ALDH5A1: variants seen among roughly 807,000 people sequenced by gnomAD.
The protein encoded by ALDH5A1 is aldehyde dehydrogenase 5 family member A1, also known as succinate-semialdehyde dehydrogenase, mitochondrial.
In ALDH5A1, 33 loss-of-function variants were observed where a neutral mutation model predicts 54.7. The observed-to-expected ratio is 0.60, with a 90% CI of 0.46 to 0.81. The LOEUF (loss-of-function observed/expected upper bound fraction) is 0.81, where lower values mean the gene tolerates loss of function less well. Among genes scored for constraint, ALDH5A1 ranks in the 30% least tolerant of loss-of-function variants. ALDH5A1 has a pLI of 0.00. For missense variants in ALDH5A1, 657 were observed against 711.0 expected (o/e 0.92, Z 0.86); for synonymous variants, 294 against 292.7 (o/e 1.00, Z -0.05).
At chr6:24,515,125 TTTGG>T in intron 4 of ALDH5A1, 38 bp from the exon 5 acceptor site, 3 of 1,465,088 alleles carry the variant, frequency 2.0e-6, no homozygotes, top group Non-Finnish European at 1.9e-6. Context: ...TTTTTTTCAG[TTTGG>T]TAAATTGTTG....
chr6:24,528,049 G>T lies in ALDH5A1; in HGVS notation c.1226G>T (p.Gly409Val). The change falls in exon 8 of 10, where the codon GGT (glycine) becomes GTT (valine). Residue 409 changes from glycine to valine, a missense_variant. Around this residue, in one of 2 missense-constraint regions of ALDH5A1, gnomAD observed 425 missense variants for 516.4 expected, o/e 0.82. Transcript: ENST00000357578. Reference sequence around the variant, plus strand: ...TCTAAAGGTGCCACCGTTGTGACAGGTGGAAAACGACACCAACTTGGAAAA... The same window carrying T: ...TCTAAAGGTGCCACCGTTGTGACAGTTGGAAAACGACACCAACTTGGAAAA... The part of the protein sequence containing the change: ...AVSKGATVVT[G>V]GKRHQLGKNF... 6.2e-7 allele frequency: 1 copy of T among 1,614,154 alleles called. No individual in the cohort carries two copies. The highest frequency in any genetic ancestry group is 8.5e-7 in the Non-Finnish European group (1 of 1,180,012).
At chr6:24,506,232 T>C (rs1291582372) in intron 4 of ALDH5A1, among the ~76,000 whole-genome samples, 3 of 146,596 alleles carry the variant, frequency 2.0e-5, no homozygotes, top group African/African-American at 5.0e-5. Context: ...CACCTCCTTC[T>C]TTCCTGGTTC....
In ALDH5A1 at chr6:24,528,030, G is replaced by A. The variant is rs1217986817; in HGVS notation, c.1207G>A (p.Gly403Ser). ...EKQVNDAVSK[G>S]ATVVTGGKRH... Reference sequence around the variant, plus strand: ...ACAGGTGAATGATGCCGTTTCTAAAGGTGCCACCGTTGTGACAGGTGGAAA... The same window carrying A: ...ACAGGTGAATGATGCCGTTTCTAAAAGTGCCACCGTTGTGACAGGTGGAAA... Residue 403 changes from glycine to serine, a missense_variant, in exon 8 of 10, where the codon GGT becomes AGT. This residue lies in a region of ALDH5A1 where 425 missense variants were observed against 516.4 expected (regional missense o/e 0.82). Coordinates refer to ENST00000357578, the MANE Select transcript of ALDH5A1 (RefSeq NM_001080.3). The A allele has an allele frequency of 6.2e-7, 1 of 1,614,070 alleles. No individual in the cohort carries two copies. The highest frequency in any genetic ancestry group is 1.1e-5 in the South Asian group (1 of 91,070).
chr6:24,533,665 A>G lies in ALDH5A1; in HGVS notation c.1561A>G (p.Ile521Val). The change falls in exon 10 of 10, where the codon ATT (isoleucine) becomes GTT (valine). Residue 521 changes from isoleucine (I) to valine (V), a missense_variant. By Grantham distance (29) the Ile-to-Val change is conservative. Around this residue, in one of 2 missense-constraint regions of ALDH5A1, gnomAD observed 425 missense variants for 516.4 expected, o/e 0.82. Coordinates refer to ENST00000357578, the MANE Select transcript of ALDH5A1 (RefSeq NM_001080.3). Reference sequence around the variant, plus strand: ...TGGGCGAGAGGGGTCCAAGTATGGCATTGATGAGTATCTGGAACTCAAGTA... The same window carrying G: ...TGGGCGAGAGGGGTCCAAGTATGGCGTTGATGAGTATCTGGAACTCAAGTA... ...GLGREGSKYG[I>V]DEYLELKYVC... 1 of 1,614,144 alleles carries G rather than the reference A, an allele frequency of 6.2e-7. No homozygotes were observed. Among genetic ancestry groups the G allele is most frequent in the Non-Finnish European group, 8.5e-7 (1 of 1,180,022 alleles).
intron 1 of ALDH5A1, among the ~76,000 whole-genome samples, chr6:24,500,766 T>C (rs546231650): frequency 6.6e-6 from 1 of 152,074 alleles, no homozygotes; most frequent in Admixed American, 6.5e-5. Flanking sequence ...CCACAAAACT[T>C]ATTTTATCTT....
At chr6:24,530,502 G>A (rs1423974383) in intron 8 of ALDH5A1, among the ~76,000 whole-genome samples, 3 of 152,184 alleles carry the variant, frequency 2.0e-5, no homozygotes, top group Non-Finnish European at 1.5e-5. Context: ...TTGCACCGTC[G>A]GCAGCCTTGG....
intron 5 of ALDH5A1, among the ~76,000 whole-genome samples, chr6:24,517,908 T>C (rs1227029510): frequency 6.6e-6 from 1 of 152,176 alleles, no homozygotes; most frequent in Non-Finnish European, 1.5e-5. Context: ...CTTGCCACTT[T>C]CTAGGGGGGC....
chr6:24,520,572 T>C lies in ALDH5A1; in HGVS notation c.1014+28T>C, dbSNP rs369417770. 7 of 1,613,068 alleles carry C rather than the reference T, an allele frequency of 4.3e-6. No homozygotes were observed. In the African/African-American group the frequency reaches 9.4e-5, roughly 22 times the overall value. On this transcript the variant is annotated intron_variant, in intron 6 of 9. Coordinates refer to ENST00000357578, the MANE Select transcript of ALDH5A1 (RefSeq NM_001080.3). ...GAGTCCTGGAGAGTATTTCAGGATG[T>C]GTGTTTGCGTGTGCATGTGTGAGTG...
intron 4 of ALDH5A1, among the ~76,000 whole-genome samples, chr6:24,506,658 T>C (rs1759364959): frequency 6.6e-6 from 1 of 152,232 alleles, no homozygotes; most frequent in Non-Finnish European, 1.5e-5. Context: ...TTTTAAATAT[T>C]AATTTTAATA....
At chr6:24,501,917 GTATA>G (rs1168614051) in intron 1 of ALDH5A1, among the ~76,000 whole-genome samples, 2 of 108,330 alleles carry the variant, frequency 1.8e-5, no homozygotes, top group Non-Finnish European at 4.0e-5. Context: ...GTGTGTGGGT[GTATA>G]TATATATGTG....
At chr6:24,533,425 C>T in intron 9 of ALDH5A1, 82 bp from the exon 10 acceptor site, 1 of 1,459,820 alleles carries the variant, frequency 6.9e-7, no homozygotes, top group Non-Finnish European at 9.5e-7. Context: ...GACAAAAAGT[C>T]ATCAATGGTG....
At chr6:24,508,336 A>G (rs2744588) in intron 4 of ALDH5A1, among the ~76,000 whole-genome samples, 117,962 of 137,308 alleles carry the variant, frequency 0.86, 51,024 homozygotes, top group Non-Finnish European at 0.92. Context: ...TACTCCAGCC[A>G]GGTGACAGAG....
At chr6:24,503,156 T>TC in intron 2 of ALDH5A1, 107 bp from the exon 3 acceptor site, 2 of 1,387,600 alleles carry the variant, frequency 1.4e-6, no homozygotes, top group Non-Finnish European at 9.9e-7. Context: ...TGGGTATCGT[T>TC]ATAGGAGACT....
intron 7 of ALDH5A1, among the ~76,000 whole-genome samples, chr6:24,526,960 ATATATGTGTGTGTG>A (rs1174377078): frequency 0.31 from 5,320 of 16,974 alleles, 375 homozygotes; most frequent in Non-Finnish European, 0.45. Context: ...TCTAATATAT[ATATATGTGTGTGTG>A]TATATATATA....
Position 24,502,402 on chromosome 6 carries a change from AC to A in ALDH5A1, c.355-119del, listed in dbSNP as rs1334509230. The A allele has an allele frequency of 3.7e-6, 3 of 805,638 alleles. No individual in the cohort carries two copies. In the African/African-American group the frequency reaches 5.1e-5, roughly 14 times the overall value. 49.9% of individuals were successfully genotyped at this position (805,638 alleles called of 1,614,324 possible). On this transcript the variant is annotated intron_variant, in intron 1 of 9. Transcript: ENST00000357578. ...CCAGTCAAATTTACACATAAAATTA[AC>A]CATTACAACCAAGGAGAATGAGACC...
rs1489666051 is a variant in ALDH5A1 at position 24,502,599 on chromosome 6, C to A, written c.431C>A (p.Ala144Asp). The change falls in exon 2 of 10, where the codon GCT (alanine) becomes GAT (aspartate). Residue 144 changes from alanine (A) to aspartate (D), a missense_variant. By Grantham distance (126) the Ala-to-Asp change is moderately radical. Around this residue, in one of 2 missense-constraint regions of ALDH5A1, gnomAD observed 425 missense variants for 516.4 expected, o/e 0.82. Coordinates refer to ENST00000357578, the MANE Select transcript of ALDH5A1 (RefSeq NM_001080.3). ...GATGACCTTGCCAGAATAATCACAGCTGAAAGTGTAAGTTCAGGGTTCTGG... is the reference window on the plus strand; with the variant it reads ...GATGACCTTGCCAGAATAATCACAGATGAAAGTGTAAGTTCAGGGTTCTGG... ...NKDDLARIIT[A>D]ESGKPLKEAH... The A allele has an allele frequency of 3.1e-6, 5 of 1,612,010 alleles. No homozygotes were observed. The African/African-American group carries it at 6.7e-5, about 22-fold the overall frequency.
chr6:24,528,250 T>G (rs1759860584), intron 8 of ALDH5A1, 84 bp downstream of exon 8: 5 of 1,544,764 alleles, frequency 3.2e-6, no homozygotes, highest in Non-Finnish European at 3.5e-6. Context: ...TGGGCTGCTT[T>G]GAGGTCTGGC....
intron 5 of ALDH5A1, among the ~76,000 whole-genome samples, chr6:24,517,168 G>A (rs1429852823): frequency 6.6e-6 from 1 of 152,056 alleles, no homozygotes; most frequent in Non-Finnish European, 1.5e-5. Context: ...ACTACGCCTG[G>A]CTAATTTTTG....
intron 5 of ALDH5A1, among the ~76,000 whole-genome samples, chr6:24,519,797 C>T (rs944714705): frequency 1.3e-5 from 2 of 150,858 alleles, no homozygotes; most frequent in African/African-American, 4.9e-5. Flanking sequence ...ATCTGCATGG[C>T]TACATTCTAA....
Sources: gnomAD v4.1 joint callset for allele counts (sites outside exome capture counted in the v4.1 genomes callset) on GRCh38, gnomAD v4.1.1 for gene constraint, gnomAD v4.1.1 regional missense constraint, MANE v1.5 for transcripts, NCBI Gene and HGNC (gene_info 2026-07-23, HGNC 2026-07-21) for gene names.